The following NEK1 variants were observed in gnomAD, a reference collection of about 807,000 sequenced individuals.
The protein encoded by NEK1 is serine/threonine-protein kinase Nek1.
In NEK1, 137 loss-of-function variants were observed where a neutral mutation model predicts 182.1. The ratio of observed to expected loss-of-function variants is 0.75; its 90% CI spans 0.65 to 0.87. The LOEUF (loss-of-function observed/expected upper bound fraction) is 0.87, where lower values mean the gene tolerates loss of function less well. Among genes scored for constraint, NEK1 ranks in the 40% least tolerant of loss-of-function variants. The pLI is 0.00. For synonymous variants in NEK1, 513 were observed against 492.2 expected (o/e 1.04, Z -0.56); for missense variants, 1,391 against 1,494.4 (o/e 0.93, Z 1.14).
intron 31 of NEK1, among the ~76,000 whole-genome samples, chr4:169,407,319 G>T (rs762637312): frequency 6.6e-6 from 1 of 152,146 alleles, no homozygotes; most frequent in African/African-American, 2.4e-5. Context: ...ACAGCCCCTT[G>T]TATCACTCAA....
chr4:169,508,663 A>C, intron 20 of NEK1, 106 bp downstream of exon 20: 2 of 901,916 alleles, frequency 2.2e-6, no homozygotes, highest in East Asian at 5.5e-5. Context: ...CTACAGACCT[A>C]CAAAATCTTC....
chr4:169,408,482 T>A (rs948530947), intron 31 of NEK1, among the ~76,000 whole-genome samples: 2 of 152,188 alleles, frequency 1.3e-5, no homozygotes, highest in Non-Finnish European at 2.9e-5. Context: ...ATGATTTTTT[T>A]TATTTCAATA....
chr4:169,570,718 G>A (rs1215394595), intron 12 of NEK1, among the ~76,000 whole-genome samples: 2 of 152,198 alleles, frequency 1.3e-5, no homozygotes, highest in African/African-American at 2.4e-5. Context: ...TGACAGTGGC[G>A]GTTTTGTGGA....
chr4:169,423,350 A>G (rs1483820498), intron 31 of NEK1, among the ~76,000 whole-genome samples: 1 of 152,080 alleles, frequency 6.6e-6, no homozygotes, highest in Admixed American at 6.6e-5. Flanking sequence ...TGATCCGCCC[A>G]CCCCAGCTTC....
chr4:169,493,628 T>G (rs1046266695), intron 23 of NEK1, among the ~76,000 whole-genome samples: 6 of 152,150 alleles, frequency 3.9e-5, no homozygotes, highest in African/African-American at 1.4e-4. Context: ...AAACTCACTA[T>G]GGGAATTTCA....
intron 23 of NEK1, among the ~76,000 whole-genome samples, chr4:169,496,015 C>A (rs903407032): frequency 1.3e-5 from 2 of 152,170 alleles, no homozygotes; most frequent in Non-Finnish European, 1.5e-5. Context: ...TTTCACGATA[C>A]TGATTCTTCC....
intron 11 of NEK1, among the ~76,000 whole-genome samples, chr4:169,579,367 A>G (rs552425984): frequency 2.0e-5 from 3 of 152,348 alleles, no homozygotes; most frequent in Admixed American, 6.5e-5. Context: ...TGATTAAGAT[A>G]TGACTTCTAC....
chr4:169,445,660 T>A (rs1232110976), intron 27 of NEK1, among the ~76,000 whole-genome samples: 4 of 150,602 alleles, frequency 2.7e-5, no homozygotes, highest in African/African-American at 9.8e-5. Flanking sequence ...AATAAGATGA[T>A]GAGGACTCCA....
intron 12 of NEK1, among the ~76,000 whole-genome samples, chr4:169,572,785 AG>A (rs1206559907): frequency 5.9e-5 from 9 of 152,162 alleles, no homozygotes; most frequent in Non-Finnish European, 1.3e-4. Context: ...TCAAAAACTG[AG>A]GTCAAGGAAG....
chr4:169,479,720 A>G (rs975511370), intron 23 of NEK1, among the ~76,000 whole-genome samples, 186 bp from the exon 24 acceptor site: 1 of 152,156 alleles, frequency 6.6e-6, no homozygotes, highest in Non-Finnish European at 1.5e-5. Context: ...AGAGAAAAAA[A>G]TCTCTGGTCT....
At chr4:169,538,980 C>T (rs999050256) in intron 18 of NEK1, among the ~76,000 whole-genome samples, 14 of 152,126 alleles carry the variant, frequency 9.2e-5, no homozygotes, top group Admixed American at 6.6e-4. Context: ...CATCACATAA[C>T]TATGAATGAC....
intron 18 of NEK1, among the ~76,000 whole-genome samples, chr4:169,541,648 G>C (rs1168734229): frequency 6.6e-6 from 1 of 152,124 alleles, no homozygotes; most frequent in Admixed American, 6.6e-5. Context: ...ATAATAATCA[G>C]AAATTGTGAC....
At chr4:169,607,153 G>A (rs1245458123) in intron 2 of NEK1, among the ~76,000 whole-genome samples, 1 of 152,158 alleles carries the variant, frequency 6.6e-6, no homozygotes, top group East Asian at 1.9e-4. Context: ...AGCAACCATG[G>A]ATAAAATCAA....
intron 9 of NEK1, among the ~76,000 whole-genome samples, chr4:169,586,040 C>T (rs1466183955): frequency 2.0e-5 from 3 of 151,910 alleles, no homozygotes; most frequent in Non-Finnish European, 2.9e-5. Flanking sequence ...ATTATGTGTG[C>T]GTGTGATGCT....
At chr4:169,595,639 C>A (rs1373900415) in intron 5 of NEK1, among the ~76,000 whole-genome samples, 1 of 152,022 alleles carries the variant, frequency 6.6e-6, no homozygotes, top group Non-Finnish European at 1.5e-5. Flanking sequence ...ATATGTGGAA[C>A]CAGGCTGGGC....
chr4:169,568,618 A>C (rs1238840050), intron 12 of NEK1, among the ~76,000 whole-genome samples: 1 of 152,186 alleles, frequency 6.6e-6, no homozygotes, highest in Non-Finnish European at 1.5e-5. Context: ...GCTATATTAA[A>C]AATACGGGCA....
intron 27 of NEK1, among the ~76,000 whole-genome samples, chr4:169,442,181 A>G (rs1162350694): frequency 6.6e-6 from 1 of 152,124 alleles, no homozygotes; most frequent in African/African-American, 2.4e-5. Flanking sequence ...CCTGAACACC[A>G]TCTGGGGGGC....
At chr4:169,456,341 G>T (rs977043091) in intron 27 of NEK1, among the ~76,000 whole-genome samples, 2 of 151,908 alleles carry the variant, frequency 1.3e-5, no homozygotes, top group Non-Finnish European at 2.9e-5. Flanking sequence ...CCCAAAAGTA[G>T]TAGAAGAAAA....
At chr4:169,568,170 C>T (rs573465456) in intron 12 of NEK1, among the ~76,000 whole-genome samples, 2 of 152,278 alleles carry the variant, frequency 1.3e-5, no homozygotes, top group East Asian at 3.9e-4. Flanking sequence ...CAAGTCCACT[C>T]GAGCGTGTAT....
Sources: gnomAD v4.1 joint callset for allele counts (sites outside exome capture counted in the v4.1 genomes callset) on GRCh38, gnomAD v4.1.1 for gene constraint, MANE v1.5 for transcripts, NCBI Gene and HGNC (gene_info 2026-07-23, HGNC 2026-07-21) for gene names.